The following ARHGAP15 variants were observed in gnomAD, a reference collection of about 807,000 sequenced individuals.
ARHGAP15 encodes the protein rho GTPase-activating protein 15.
In ARHGAP15, 51 loss-of-function variants were observed where a neutral mutation model predicts 63.7. That is an observed-to-expected ratio of 0.80 (90% CI 0.64 to 1.01). The LOEUF is 1.01. Among genes scored for constraint, ARHGAP15 ranks in the 50% least tolerant of loss-of-function variants. The pLI, the probability that ARHGAP15 is intolerant of heterozygous loss-of-function variation, is 0.00. For missense variants in ARHGAP15, 560 were observed against 564.6 expected (o/e 0.99, Z 0.08); for synonymous variants, 191 against 193.8 (o/e 0.99, Z 0.12).
chr2:143,744,408 CCAT>C (rs575124491), intron 13 of ARHGAP15, among the ~76,000 whole-genome samples: 456 of 152,288 alleles, frequency 3.0e-3, no homozygotes, highest in African/African-American at 0.011. Context: ...AAGAAAAGCA[CCAT>C]AAGTAATAAT....
chr2:143,451,740 C>G (rs529063230), intron 8 of ARHGAP15, among the ~76,000 whole-genome samples: 3 of 151,922 alleles, frequency 2.0e-5, no homozygotes, highest in Admixed American at 6.6e-5. Context: ...TGAAAATGAC[C>G]ATAAACTTTT....
At chr2:143,327,459 A>G (rs1684307147) in intron 6 of ARHGAP15, among the ~76,000 whole-genome samples, 1 of 152,358 alleles carries the variant, frequency 6.6e-6, no homozygotes, top group African/African-American at 2.4e-5. Context: ...AGTAAAAAGA[A>G]TAAAGCCGGA....
At chr2:143,283,008 G>A (rs776771136) in intron 6 of ARHGAP15, among the ~76,000 whole-genome samples, 3 of 152,150 alleles carry the variant, frequency 2.0e-5, no homozygotes, top group Non-Finnish European at 4.4e-5. Flanking sequence ...TTCCGTGAAA[G>A]CTAAGCATAG....
rs185481852 is a variant in ARHGAP15, at chr2:143,548,815, C to T, written c.926-7593C>T. Among the ~76,000 whole-genome samples, 5 of 136,278 alleles carry T rather than the reference C, an allele frequency of 3.7e-5. No individual in the cohort carries two copies. The East Asian group carries it at 1.1e-3, about 31-fold the overall frequency. 89.4% of individuals were successfully genotyped at this position (136,278 alleles called of 152,430 possible). A position where few individuals can be genotyped will look rare whatever the true frequency, so the allele number is the denominator to read the frequency against. On this transcript the variant is annotated intron_variant, in intron 10 of 13. Coordinates refer to ENST00000295095, the MANE Select transcript of ARHGAP15 (RefSeq NM_018460.4). Reference sequence around the variant, plus strand: ...TGTTGCAATAATTGTGTCTATGAAGCAAGCATTTCATAGCAGAAATATGAG... The same window carrying T: ...TGTTGCAATAATTGTGTCTATGAAGTAAGCATTTCATAGCAGAAATATGAG...
At chr2:143,453,103 C>T (rs1159873044) in intron 8 of ARHGAP15, among the ~76,000 whole-genome samples, 2 of 151,914 alleles carry the variant, frequency 1.3e-5, no homozygotes, top group African/African-American at 4.8e-5. Context: ...ATCCTGTCAA[C>T]CCTATGCAGC....
intron 11 of ARHGAP15, among the ~76,000 whole-genome samples, chr2:143,568,444 C>G (rs866397347): frequency 2.6e-5 from 4 of 152,152 alleles, no homozygotes; most frequent in Non-Finnish European, 4.4e-5. Flanking sequence ...CAGAGAAATG[C>G]AAATAAAAAC....
chr2:143,552,944 G>A (rs898579301), intron 10 of ARHGAP15, among the ~76,000 whole-genome samples: 2 of 152,104 alleles, frequency 1.3e-5, no homozygotes, highest in Non-Finnish European at 2.9e-5. Flanking sequence ...ATCATACGAC[G>A]TCTAATTATA....
At chr2:143,313,293 T>C (rs1683533377) in intron 6 of ARHGAP15, among the ~76,000 whole-genome samples, 1 of 152,160 alleles carries the variant, frequency 6.6e-6, no homozygotes, top group South Asian at 2.1e-4. Context: ...TTGATTTGTT[T>C]GCTAAGAGAA....
intron 13 of ARHGAP15, among the ~76,000 whole-genome samples, chr2:143,704,398 T>C (rs1358561797): frequency 2.0e-5 from 3 of 151,954 alleles, no homozygotes; most frequent in African/African-American, 4.8e-5. Context: ...AGAGATATTG[T>C]GGAGATGGAT....
chr2:143,286,909 C>T (rs1178727638), intron 6 of ARHGAP15, among the ~76,000 whole-genome samples: 7 of 152,148 alleles, frequency 4.6e-5, no homozygotes, highest in Middle Eastern at 3.4e-3. Context: ...CGGCATGTTA[C>T]GGCATTGATC....
intron 6 of ARHGAP15, among the ~76,000 whole-genome samples, chr2:143,375,378 C>T (rs1686758275): frequency 6.6e-6 from 1 of 152,120 alleles, no homozygotes; most frequent in Admixed American, 6.6e-5. Context: ...TTTTCTGTGA[C>T]TTTTATGGCC....
intron 2 of ARHGAP15, among the ~76,000 whole-genome samples, chr2:143,176,668 C>T (rs58949401): frequency 0.018 from 2,779 of 152,220 alleles, 109 homozygotes; most frequent in African/African-American, 0.064. Context: ...AGAGTATTTG[C>T]TTTTATAACA....
chr2:143,152,095 C>A (rs1295407849), intron 1 of ARHGAP15, among the ~76,000 whole-genome samples: 3 of 151,936 alleles, frequency 2.0e-5, no homozygotes, highest in African/African-American at 7.2e-5. Flanking sequence ...TCTAGAATAC[C>A]AGCCCCTCTG....
At chr2:143,523,376 G>A (rs552547647) in intron 10 of ARHGAP15, among the ~76,000 whole-genome samples, 11 of 152,170 alleles carry the variant, frequency 7.2e-5, no homozygotes, top group African/African-American at 2.4e-4. Context: ...AACCTTGAAC[G>A]ATAAACACAT....
Position 143,768,016 on chromosome 2 carries a change from C to CAT in ARHGAP15, c.1273_1274dup (p.Met425IlefsTer35). 6.2e-7 allele frequency: 1 copy of CAT among 1,613,636 alleles called. No homozygotes were observed. The highest frequency in any genetic ancestry group is 8.5e-7 in the Non-Finnish European group (1 of 1,179,702). ...TAGTGGCCAAAGCCTCCAAGAACCT[C>CAT]ATGTCCACGCAAAGCTTGGGGATTG... On this transcript the variant is annotated frameshift_variant, in exon 14 of 14. Coordinates refer to ENST00000295095, the MANE Select transcript of ARHGAP15 (RefSeq NM_018460.4). LOFTEE classifies it high-confidence loss of function.
chr2:143,406,012 CTATTTCAGG>C (rs1362879314), intron 6 of ARHGAP15, among the ~76,000 whole-genome samples: 257 of 151,936 alleles, frequency 1.7e-3, no homozygotes, highest in African/African-American at 6.1e-3. Flanking sequence ...AGGTTTTTCT[CTATTTCAGG>C]GGAGTTTTCA....
intron 6 of ARHGAP15, among the ~76,000 whole-genome samples, chr2:143,413,966 T>TGCGCGCGCGCGCGC (rs1553476592): frequency 1.5e-4 from 18 of 117,922 alleles, no homozygotes; most frequent in Non-Finnish European, 1.9e-4. Flanking sequence ...TGTGTGTGTG[T>TGCGCGCGCGCGCGC]GCGCGCTCTC....
At chr2:143,356,112 A>C (rs1234804710) in intron 6 of ARHGAP15, among the ~76,000 whole-genome samples, 1 of 152,086 alleles carries the variant, frequency 6.6e-6, no homozygotes, top group African/African-American at 2.4e-5. Flanking sequence ...AAAAGCCTGT[A>C]ATTATTTTCA....
chr2:143,335,792 C>A (rs1684746837), intron 6 of ARHGAP15, among the ~76,000 whole-genome samples: 1 of 151,998 alleles, frequency 6.6e-6, no homozygotes. Flanking sequence ...ATTACCCAGA[C>A]TGGGAAAAGC....
Sources: allele counts gnomAD v4.1 joint callset (sites outside exome capture counted in the v4.1 genomes callset), GRCh38; gene constraint gnomAD v4.1.1; transcripts MANE v1.5; gene names NCBI Gene and HGNC (gene_info 2026-07-23, HGNC 2026-07-21).